The following AOPEP variants were observed in gnomAD, a reference collection of about 807,000 sequenced individuals.
AOPEP encodes the protein aminopeptidase O (putative), also known as aminopeptidase O.
A neutral mutation model predicts 98.1 loss-of-function variants in AOPEP; 77 were observed. The ratio of observed to expected loss-of-function variants is 0.78; its 90% CI spans 0.65 to 0.95. The LOEUF (loss-of-function observed/expected upper bound fraction) is 0.95. AOPEP is among the 40% of genes least tolerant of loss of function. AOPEP has a pLI of 0.00. For synonymous variants in AOPEP, 346 were observed against 365.3 expected (o/e 0.95, Z 0.60); for missense variants, 1,024 against 1,024.7 (o/e 1.00, Z 0.01).
intron 5 of AOPEP, among the ~76,000 whole-genome samples, chr9:94,851,232 C>A (rs183073369): frequency 9.9e-5 from 15 of 152,264 alleles, no homozygotes; most frequent in Non-Finnish European, 1.6e-4. Context: ...CGTGCCTTGG[C>A]ATGCAAAGGG....
intron 16 of AOPEP, 28 bp from the exon 17 acceptor site, chr9:95,086,654 A>T: frequency 2.0e-6 from 2 of 988,090 alleles, no homozygotes; most frequent in Non-Finnish European, 2.4e-6. Flanking sequence ...TGACTGGGTA[A>T]TCAATGTTAC....
intron 13 of AOPEP, among the ~76,000 whole-genome samples, chr9:95,023,081 C>T (rs1374478884): frequency 1.3e-5 from 2 of 152,220 alleles, no homozygotes; most frequent in East Asian, 3.8e-4. Flanking sequence ...TCAGTTTCCT[C>T]ATCTGCAAAA....
chr9:94,924,170 C>A lies in AOPEP; in HGVS notation c.1549C>A (p.Gln517Lys). Residue 517 changes from glutamine to lysine, a missense_variant, in exon 6 of 17, where the codon CAG (glutamine) becomes AAG (lysine). Coordinates refer to ENST00000375315, the MANE Select transcript of AOPEP (RefSeq NM_001193329.3). ...GGAGGATGTGTTTTGGGCCACAGCA[C>A]AGCAGGTGGGTTAAAGTGACCCTAA... Reference protein sequence around the residue: ...HLEDVFWATAQQLAPYEAREQ... With the variant: ...HLEDVFWATAKQLAPYEAREQ... The A allele has an allele frequency of 7.2e-7, 1 of 1,396,676 alleles. No homozygotes were observed. Among genetic ancestry groups the A allele is most frequent in the South Asian group, 1.7e-5 (1 of 60,106 alleles). 86.5% of individuals were successfully genotyped at this position (1,396,676 alleles called of 1,614,324 possible).
intron 11 of AOPEP, among the ~76,000 whole-genome samples, chr9:94,988,928 A>T (rs866442605): frequency 4.2e-4 from 53 of 127,440 alleles, no homozygotes; most frequent in Middle Eastern, 7.9e-3. Flanking sequence ...TTTTTTTTTT[A>T]GACAAAGTCT....
At chr9:94,884,654 A>G (rs1159644108) in intron 5 of AOPEP, among the ~76,000 whole-genome samples, 3 of 152,158 alleles carry the variant, frequency 2.0e-5, no homozygotes, top group Non-Finnish European at 2.9e-5. Context: ...TGGGGATGAT[A>G]TTACTACCAT....
At chr9:94,966,290 G>T (rs186283082) in intron 9 of AOPEP, among the ~76,000 whole-genome samples, 3 of 150,626 alleles carry the variant, frequency 2.0e-5, no homozygotes, top group African/African-American at 4.9e-5. Flanking sequence ...TCTATTGGGA[G>T]GCTTCGGTCT....
intron 1 of AOPEP, among the ~76,000 whole-genome samples, chr9:94,752,359 TCACACA>T (rs58626205): frequency 3.7e-4 from 52 of 140,874 alleles, no homozygotes; most frequent in African/African-American, 1.1e-3. Flanking sequence ...TCTCTCTCTC[TCACACA>T]CACACACACA....
chr9:94,917,955 C>T (rs2053070638), intron 5 of AOPEP, among the ~76,000 whole-genome samples: 1 of 152,194 alleles, frequency 6.6e-6, no homozygotes, highest in African/African-American at 2.4e-5. Flanking sequence ...TTGTCTACTT[C>T]CCTCATCTTT....
intron 7 of AOPEP, chr9:94,932,006 A>G (rs538433778): frequency 1.1e-5 from 13 of 1,213,404 alleles, no homozygotes; most frequent in Non-Finnish European, 1.4e-5. Flanking sequence ...GAAAGACTGA[A>G]TAACGTGTCT....
At chr9:95,051,761 T>G in intron 13 of AOPEP, among the ~76,000 whole-genome samples, 1 of 151,956 alleles carries the variant, frequency 6.6e-6, no homozygotes, top group Non-Finnish European at 1.5e-5. Flanking sequence ...TGGAGTGCAG[T>G]GGCACAATCT....
In AOPEP at chr9:94,819,967, A is replaced by T. The variant is rs202238014; in HGVS notation, c.1364+18965A>T. Among the ~76,000 whole-genome samples the T allele has an allele frequency of 1.9e-4, 10 of 52,430 alleles. No individual in the cohort carries two copies. In the South Asian group the frequency reaches 4.0e-3, roughly 21 times the overall value. The allele number at this position is 52,430 out of a possible 152,430, so 34.4% of individuals were successfully genotyped here. The stretch of plus-strand genomic sequence containing the variant: ...AATTCTTTTTTTTTTTTTTTTTGAG[A>T]TGGAGTCTCGCTTTGTCACCCAGGC... On this transcript the variant is annotated intron_variant, in intron 5 of 16. Transcript: ENST00000375315.
At chr9:95,111,424 AG>A in the AOPEP span, 2 of 1,602,644 alleles carry the variant, frequency 1.2e-6, no homozygotes, top group Non-Finnish European at 1.7e-6. Flanking sequence ...AGCCCCCCAG[AG>A]CCCACCCCAA....
chr9:95,046,794 C>T (rs1285349521), intron 13 of AOPEP, among the ~76,000 whole-genome samples: 1 of 152,054 alleles, frequency 6.6e-6, no homozygotes, highest in Admixed American at 6.5e-5. Context: ...TCCCAGACAC[C>T]TGATTTTCTT....
chr9:94,797,207 G>A (rs1382049055), intron 4 of AOPEP, among the ~76,000 whole-genome samples: 1 of 152,224 alleles, frequency 6.6e-6, no homozygotes, highest in African/African-American at 2.4e-5. Context: ...GCCAAGGCGG[G>A]CGGATCACGA....
Position 94,930,419 on chromosome 9 carries a change from C to T in AOPEP, c.1661+1888C>T, listed in dbSNP as rs1432196565. Among the ~76,000 whole-genome samples the T allele has an allele frequency of 6.6e-6, 1 of 152,064 alleles. No homozygotes were observed. The highest frequency in any genetic ancestry group is 6.6e-5 in the Admixed American group (1 of 15,258). On this transcript the variant is annotated intron_variant, in intron 7 of 16. Coordinates refer to ENST00000375315, the MANE Select transcript of AOPEP (RefSeq NM_001193329.3). This position sits in a 1 kb window ranked among gnomAD's most constrained non-coding sequence, Gnocchi z 4.5. Reference sequence around the variant, plus strand: ...TTGCATGTGTTAAGTTTGTGATGACCAATAGATATTCAATATTATGAACTT... The same window carrying T: ...TTGCATGTGTTAAGTTTGTGATGACTAATAGATATTCAATATTATGAACTT...
At chr9:95,126,710 A>C in the AOPEP span, 16 of 908,878 alleles carry the variant, frequency 1.8e-5, no homozygotes, top group Middle Eastern at 2.2e-4. Flanking sequence ...TTTTGGTTAG[A>C]AGAACGAACC....
At chr9:95,075,023 C>T (rs1410053279) in intron 14 of AOPEP, among the ~76,000 whole-genome samples, 1 of 152,170 alleles carries the variant, frequency 6.6e-6, no homozygotes, top group Non-Finnish European at 1.5e-5. Context: ...TTCTCCGTGC[C>T]CTGTCCCTGT....
the AOPEP span, chr9:95,114,701 C>T: frequency 1.9e-5 from 31 of 1,613,936 alleles, no homozygotes; most frequent in East Asian, 1.8e-4. Flanking sequence ...CCAGTGTCCC[C>T]GAGGGATATC....
chr9:94,821,622 T>G, intron 5 of AOPEP, among the ~76,000 whole-genome samples: 1 of 152,176 alleles, frequency 6.6e-6, no homozygotes, highest in East Asian at 1.9e-4. Flanking sequence ...GCTGAGTTGC[T>G]GAAACCTTTT....
Sources: allele counts gnomAD v4.1 joint callset (sites outside exome capture counted in the v4.1 genomes callset), GRCh38; gene constraint gnomAD v4.1.1; non-coding constraint Gnocchi (gnomAD v3.1); transcripts MANE v1.5; gene names NCBI Gene and HGNC (gene_info 2026-07-23, HGNC 2026-07-21).